SAMD11: variants seen among roughly 807,000 people sequenced by gnomAD.
The protein encoded by SAMD11 is sterile alpha motif domain containing 11, also known as sterile alpha motif domain-containing protein 11.
A neutral mutation model predicts 64.4 loss-of-function variants in SAMD11; 77 were observed. The ratio of observed to expected loss-of-function variants is 1.20; its 90% CI spans 0.99 to 1.44. The LOEUF is 1.44. Among genes scored for constraint, SAMD11 ranks in the 40% most tolerant of loss-of-function variants. The pLI, the probability that SAMD11 is intolerant of heterozygous loss-of-function variation, is 0.00. For missense variants in SAMD11, 1,402 were observed against 943.3 expected, an observed-to-expected ratio of 1.49 and a Z score of -6.37; for synonymous variants, 658 against 421.9, an observed-to-expected ratio of 1.56 and a Z score of -6.86.
Position 935,673 on chromosome 1 carries a change from C to T in SAMD11, c.843-99C>T, listed in dbSNP as rs1300688336. The stretch of plus-strand genomic sequence containing the variant: ...AGCAACGTGGCACTCAGAGGTCATC[C>T]CCACGCTCACACACAGAGCTAGGCA... On this transcript the variant is annotated intron_variant, in intron 4 of 13. Coordinates refer to ENST00000616016, the MANE Select transcript of SAMD11 (RefSeq NM_001385641.1). 7 of 1,517,004 alleles carry T rather than the reference C, an allele frequency of 4.6e-6. No homozygotes were observed. The East Asian group carries it at 9.1e-5, about 20-fold the overall frequency. The allele number at this position is 1,517,004 out of a possible 1,614,324, so 94.0% of individuals were successfully genotyped here.
At chr1:941,426 C>T (rs1270882002) in intron 8 of SAMD11, 120 bp downstream of exon 8, 2 of 1,057,484 alleles carry the variant, frequency 1.9e-6, no homozygotes. Flanking sequence ...AGGTTCGGGT[C>T]CGGGCAGAGC....
Position 930,158 on chromosome 1 carries a change from C to G in SAMD11, c.613C>G (p.Arg205Gly). 6.4e-7 allele frequency: 1 copy of G among 1,555,492 alleles called. No individual in the cohort carries two copies. Among genetic ancestry groups the G allele is most frequent in the Non-Finnish European group, 8.7e-7 (1 of 1,149,474 alleles). Residue 205 changes from arginine to glycine, a missense_variant, in exon 3 of 14, where the codon CGG (arginine) becomes GGG (glycine). Coordinates refer to ENST00000616016, the MANE Select transcript of SAMD11 (RefSeq NM_001385641.1). ...PGCRISSPVN[R>G]GRLADKRTVA... ...TCCTCTCCTCCTGCCCCACCAGAAC[C>G]GGGGGCGGCTGGCAGACAAGAGGAC...
intron 3 of SAMD11, among the ~76,000 whole-genome samples, chr1:930,588 G>A (rs1425553717): frequency 1.3e-5 from 2 of 152,220 alleles, no homozygotes; most frequent in Non-Finnish European, 2.9e-5. Context: ...GGACCCAGAG[G>A]TCTGCACCTT....
rs1475770129 is a variant in SAMD11, at chr1:943,936, A to C, written c.2318A>C (p.Tyr773Ser). Residue 773 changes from tyrosine to serine, a missense_variant, in exon 14 of 14, where the codon TAC becomes TCC. Transcript: ENST00000616016. ...QVARRLGRVF[Y>S]VASFPVALPL... The stretch of plus-strand genomic sequence containing the variant: ...GCCAGGCGCCTGGGCCGAGTTTTCT[A>C]CGTGGCCAGCTTCCCCGTGGCTCTG... The C allele has an allele frequency of 6.2e-7, 1 of 1,612,686 alleles. No homozygotes were observed. Among genetic ancestry groups the C allele is most frequent in the Non-Finnish European group, 8.5e-7 (1 of 1,179,826 alleles).
At chr1:926,105 A>T in intron 2 of SAMD11, 92 bp downstream of exon 2, 2 of 1,250,250 alleles carry the variant, frequency 1.6e-6, no homozygotes, top group South Asian at 2.4e-5. Flanking sequence ...CGAGAGTCCT[A>T]ACCTCACCCC....
intron 4 of SAMD11, among the ~76,000 whole-genome samples, chr1:934,990 G>A (rs192846000): frequency 3.0e-4 from 46 of 151,644 alleles, no homozygotes; most frequent in African/African-American, 1.1e-3. Context: ...TGCTCAGGGA[G>A]TGGCGCCTGG....
intron 2 of SAMD11, among the ~76,000 whole-genome samples, chr1:928,264 T>TACAC: frequency 6.6e-6 from 1 of 151,768 alleles, no homozygotes; most frequent in East Asian, 2.0e-4. Context: ...TGGTGGCGGG[T>TACAC]GCCTGTAGTC....
At chr1:941,385 C>T in intron 8 of SAMD11, 79 bp downstream of exon 8, 4 of 1,334,424 alleles carry the variant, frequency 3.0e-6, no homozygotes. Context: ...CAGCACGCGC[C>T]CCGAGAGTGC....
At chr1:941,616 A>AG (rs767092215) in intron 8 of SAMD11, among the ~76,000 whole-genome samples, 63 of 151,732 alleles carry the variant, frequency 4.2e-4, no homozygotes, top group East Asian at 1.4e-3. Context: ...CTGGAGGCGG[A>AG]GGGGGGGTCC....
rs767779469 is a variant in SAMD11 at position 939,029 on chromosome 1, C to T, written c.968-11C>T. On this transcript the variant is annotated splice_polypyrimidine_tract_variant and intron_variant, in intron 5 of 13. Transcript: ENST00000616016. ...TTGAGATGCAGGTGGGCACTCACTA[C>T]CCTCCCGCAGGTGACCTGTTGGGCA... 1.9e-6 allele frequency: 3 copies of T among 1,588,320 alleles called. No individual in the cohort carries two copies. The highest frequency in any genetic ancestry group is 1.7e-6 in the Non-Finnish European group (2 of 1,167,254).
In SAMD11 at chr1:930,067, G is replaced by A. The variant is rs548946598; in HGVS notation, c.610-88G>A. On this transcript the variant is annotated intron_variant, in intron 2 of 13. Coordinates refer to ENST00000616016, the MANE Select transcript of SAMD11 (RefSeq NM_001385641.1). ...GACCAGGGCAGACCCCCGGGAGATG[G>A]AACGGCCCGGTCCAGCCCCACCTTC... 15 of 1,438,286 alleles carry A rather than the reference G, an allele frequency of 1.0e-5. No homozygotes were observed. The African/African-American group carries it at 2.1e-4, about 20-fold the overall frequency. The allele number at this position is 1,438,286 out of a possible 1,614,324, so 89.1% of individuals were successfully genotyped here. A position where few individuals can be genotyped will look rare whatever the true frequency, so the allele number is the denominator to read the frequency against.
rs1220206239 is a variant in SAMD11, at chr1:942,452, G to T, written c.1517G>T (p.Trp506Leu). Residue 506 changes from tryptophan to leucine, a missense_variant, in exon 10 of 14, where the codon TGG (tryptophan) becomes TTG (leucine). Transcript: ENST00000616016. ...CCCGCGCAGGCGGAGATGTTCGCCT[G>T]GCAGCAGGAGCTCCTGCGGAAGCAG... ...LPPAQAEMFA[W>L]QQELLRKQNL... The T allele has an allele frequency of 6.7e-7, 1 of 1,483,236 alleles. No homozygotes were observed. The highest frequency in any genetic ancestry group is 8.9e-7 in the Non-Finnish European group (1 of 1,122,800). 91.9% of individuals were successfully genotyped at this position (1,483,236 alleles called of 1,614,324 possible).
At chr1:933,744 G>GC (rs909104788) in intron 4 of SAMD11, among the ~76,000 whole-genome samples, 3 of 151,824 alleles carry the variant, frequency 2.0e-5, no homozygotes, top group African/African-American at 4.8e-5. Flanking sequence ...ATGTGCCTGG[G>GC]GGGGGCTTCC....
chr1:927,910 T>C (rs376980345), intron 2 of SAMD11, among the ~76,000 whole-genome samples: 2 of 152,354 alleles, frequency 1.3e-5, no homozygotes, highest in African/African-American at 4.8e-5. Flanking sequence ...GGGGCGTGGC[T>C]GGGGTGCCGG....
At chr1:929,906 C>G (rs1437241753) in intron 2 of SAMD11, among the ~76,000 whole-genome samples, 1 of 152,198 alleles carries the variant, frequency 6.6e-6, no homozygotes, top group Non-Finnish European at 1.5e-5. Context: ...ACTGCGGCCC[C>G]GTCTCTCGGC....
chr1:942,610 C>T lies in SAMD11; in HGVS notation c.1605C>T (p.Arg535=), dbSNP rs1424337676. The change falls in exon 11 of 14, where the codon CGC becomes CGT. Residue 535 remains arginine (R), a synonymous_variant. Coordinates refer to ENST00000616016, the MANE Select transcript of SAMD11 (RefSeq NM_001385641.1). The stretch of plus-strand genomic sequence containing the variant: ...GGCAGAAGGAGCTGGAGAGCGCGCG[C>T]CCACAGCTGCTGGCGCCCGAGACCG... The part of the protein sequence containing the change: ...LLRQKELESA[R]PQLLAPETAL... 1.7e-5 allele frequency: 25 copies of T among 1,437,150 alleles called. No individual in the cohort carries two copies. Among genetic ancestry groups the T allele is most frequent in the Non-Finnish European group, 2.3e-5 (25 of 1,102,564 alleles). 89.0% of individuals were successfully genotyped at this position (1,437,150 alleles called of 1,614,324 possible). A position where few individuals can be genotyped will look rare whatever the true frequency, so the allele number is the denominator to read the frequency against.
intron 5 of SAMD11, among the ~76,000 whole-genome samples, chr1:937,344 A>G (rs887793899): frequency 2.0e-5 from 3 of 151,730 alleles, no homozygotes; most frequent in African/African-American, 7.3e-5. Context: ...GTGAGGAGTG[A>G]GCATGGCCTC....
chr1:932,559 G>A (rs549730342), intron 4 of SAMD11, among the ~76,000 whole-genome samples: 4 of 152,346 alleles, frequency 2.6e-5, no homozygotes, highest in Admixed American at 6.5e-5. Flanking sequence ...CCTGGTGTCC[G>A]GTCAGAGCGG....
intron 2 of SAMD11, among the ~76,000 whole-genome samples, chr1:927,141 C>T (rs1312931227): frequency 6.6e-5 from 10 of 152,204 alleles, no homozygotes; most frequent in Non-Finnish European, 8.8e-5. Flanking sequence ...TGGACCTGCA[C>T]GCACAGGCAG....
Sources: allele counts gnomAD v4.1 joint callset (sites outside exome capture counted in the v4.1 genomes callset), GRCh38; gene constraint gnomAD v4.1.1; transcripts MANE v1.5; gene names NCBI Gene and HGNC (gene_info 2026-07-23, HGNC 2026-07-21).